VRK2: variants seen among roughly 807,000 people sequenced by gnomAD.
VRK2 encodes the protein VRK serine/threonine kinase 2.
Under a neutral mutation model 57.6 loss-of-function variants are expected in VRK2, and 60 were observed. The ratio of observed to expected loss-of-function variants is 1.04; its 90% CI spans 0.85 to 1.29. The LOEUF (loss-of-function observed/expected upper bound fraction) is 1.29. Among genes scored for constraint, VRK2 ranks in the 50% most tolerant of loss-of-function variants. The pLI is 0.00. For synonymous variants in VRK2, 231 were observed against 199.2 expected, an observed-to-expected ratio of 1.16 and a Z score of -1.35; for missense variants, 705 against 588.1, an observed-to-expected ratio of 1.20 and a Z score of -2.06.
At chr2:57,944,290 G>T (rs1252768427) in intron 1 of VRK2, among the ~76,000 whole-genome samples, 1 of 152,136 alleles carries the variant, frequency 6.6e-6, no homozygotes, top group Non-Finnish European at 1.5e-5. Context: ...GTTACCAACA[G>T]ATAAACAATA....
chr2:58,075,960 A>G (rs1382362403), intron 2 of VRK2, among the ~76,000 whole-genome samples: 1 of 147,278 alleles, frequency 6.8e-6, no homozygotes, highest in Non-Finnish European at 1.5e-5. Flanking sequence ...CTGATGGATT[A>G]AAGAAAAGCT....
At position 58,086,357 on chromosome 2, in the gene VRK2, G is replaced by T. The variant is rs765840317; in HGVS notation, c.275G>T (p.Arg92Leu). ...KKDCIKKWIE[R>L]KQLDYLGIPL... ...TTTGTAGTCAAAAAGTGGATAGAAC[G>T]CAAACAACTTGATTATTTAGGAATT... The change falls in exon 5 of 13, where the codon CGC becomes CTC. Residue 92 changes from arginine (R) to leucine (L), a missense_variant. Arg to Leu is a moderately radical substitution (Grantham distance 102). Coordinates refer to ENST00000340157, the MANE Select transcript of VRK2 (RefSeq NM_006296.7). 6.2e-7 allele frequency: 1 copy of T among 1,603,994 alleles called. No homozygotes were observed.
intron 7 of VRK2, among the ~76,000 whole-genome samples, chr2:58,118,783 G>T (rs1676940124): frequency 6.6e-6 from 1 of 152,200 alleles, no homozygotes; most frequent in East Asian, 1.9e-4. Context: ...GCAGGCGGTT[G>T]AGTCCGAAAA....
chr2:58,061,039 A>T (rs534609494), intron 2 of VRK2, among the ~76,000 whole-genome samples: 1 of 152,026 alleles, frequency 6.6e-6, no homozygotes, highest in East Asian at 1.9e-4. Context: ...ATGAGTTAAA[A>T]TATTAAGAAA....
intron 2 of VRK2, among the ~76,000 whole-genome samples, chr2:58,058,823 G>A (rs1422656354): frequency 1.3e-5 from 2 of 152,010 alleles, no homozygotes; most frequent in Non-Finnish European, 2.9e-5. Flanking sequence ...AAGAGGATAC[G>A]TAAATTACCT....
In VRK2 at chr2:58,089,672, T is replaced by C. The variant is rs1672101273; in HGVS notation, c.492T>C (p.His164=). The C allele has an allele frequency of 3.1e-6, 5 of 1,608,366 alleles. No individual in the cohort carries two copies. Among genetic ancestry groups the C allele is most frequent in the Non-Finnish European group, 4.3e-6 (5 of 1,176,434 alleles). The part of the protein sequence containing the change: ...LEYIHENEYV[H]GDIKAANLLL... ...ATATACATGAAAATGAATATGTTCA[T>C]GGTGATATAAAAGCAGCAAATCTAC... The change falls in exon 7 of 13, where the codon CAT becomes CAC. Residue 164 remains histidine, a synonymous_variant. Transcript: ENST00000340157.
At chr2:58,090,439 C>A (rs971429785) in intron 7 of VRK2, among the ~76,000 whole-genome samples, 12 of 151,128 alleles carry the variant, frequency 7.9e-5, no homozygotes, top group African/African-American at 2.9e-4. Flanking sequence ...GCAAGCTTTT[C>A]CATTAAAATT....
intron 1 of VRK2, among the ~76,000 whole-genome samples, chr2:57,908,063 C>G (rs1195223221): frequency 6.6e-6 from 1 of 152,020 alleles, no homozygotes; most frequent in East Asian, 1.9e-4. Flanking sequence ...AAAGGATTCA[C>G]AAGAGGGGAT....
intron 12 of VRK2, among the ~76,000 whole-genome samples, chr2:58,152,517 C>A (rs1378784136): frequency 2.0e-5 from 3 of 151,870 alleles, no homozygotes; most frequent in African/African-American, 7.2e-5. Context: ...GAAAAAAAGT[C>A]TTAACATATC....
chr2:58,031,599 C>G (rs1235944107), intron 2 of VRK2, among the ~76,000 whole-genome samples: 1 of 152,036 alleles, frequency 6.6e-6, no homozygotes, highest in East Asian at 1.9e-4. Flanking sequence ...CAGTGTCCAG[C>G]AGATGTAATT....
chr2:57,950,035 A>T (rs1398293599), intron 1 of VRK2, among the ~76,000 whole-genome samples: 1 of 152,222 alleles, frequency 6.6e-6, no homozygotes, highest in Non-Finnish European at 1.5e-5. Flanking sequence ...TGTAGAAGAA[A>T]CACCTGAACC....
At chr2:58,093,347 A>G (rs1450261474) in intron 7 of VRK2, among the ~76,000 whole-genome samples, 2 of 151,956 alleles carry the variant, frequency 1.3e-5, no homozygotes, top group Non-Finnish European at 2.9e-5. Flanking sequence ...CTTTTTAATG[A>G]TTGCCATTCT....
At chr2:58,132,985 A>G (rs556732548) in intron 9 of VRK2, among the ~76,000 whole-genome samples, 3 of 152,268 alleles carry the variant, frequency 2.0e-5, no homozygotes, top group African/African-American at 7.2e-5. Context: ...ATTTCGAAAT[A>G]TGGGTCAAGT....
rs889224728 is a variant in VRK2, at chr2:58,111,610, G to A, written c.544-11491G>A. On this transcript the variant is annotated intron_variant, in intron 7 of 12. Transcript: ENST00000340157. Reference sequence around the variant, plus strand: ...CTATTTTAAAAATATAAAAATAAATGCATAGGGAGTAACTATTTATATATT... The same window carrying A: ...CTATTTTAAAAATATAAAAATAAATACATAGGGAGTAACTATTTATATATT... Among the ~76,000 whole-genome samples the A allele has an allele frequency of 8.7e-4, 132 of 152,138 alleles. 1 individual carries two copies. The highest frequency in any genetic ancestry group is 2.9e-3 in the African/African-American group (119 of 41,502).
chr2:58,003,070 T>C (rs1305664192), intron 1 of VRK2, among the ~76,000 whole-genome samples: 3 of 152,178 alleles, frequency 2.0e-5, no homozygotes, highest in African/African-American at 7.2e-5. Flanking sequence ...CAAACAGGTA[T>C]ATTCTCAAAA....
intron 1 of VRK2, among the ~76,000 whole-genome samples, chr2:57,984,789 A>C (rs888714702): frequency 1.3e-5 from 2 of 152,038 alleles, no homozygotes; most frequent in African/African-American, 4.8e-5. Flanking sequence ...TTTGGTTACT[A>C]TTACTGTTTA....
intron 1 of VRK2, among the ~76,000 whole-genome samples, chr2:57,926,201 G>C (rs1212105832): frequency 6.6e-6 from 1 of 151,772 alleles, no homozygotes; most frequent in South Asian, 2.1e-4. Flanking sequence ...ATATCCTGCA[G>C]CCATTGAATA....
intron 1 of VRK2, among the ~76,000 whole-genome samples, chr2:57,987,133 G>C (rs892897773): frequency 1.3e-5 from 2 of 151,662 alleles, no homozygotes; most frequent in Non-Finnish European, 2.9e-5. Context: ...AATATCAAAA[G>C]CATAAAATAT....
chr2:58,091,008 T>C (rs1413731480), intron 7 of VRK2, among the ~76,000 whole-genome samples: 2 of 152,174 alleles, frequency 1.3e-5, no homozygotes, highest in Non-Finnish European at 2.9e-5. Context: ...AAGGCAAAAC[T>C]ATAGAGACAG....
Sources: allele counts gnomAD v4.1 joint callset (sites outside exome capture counted in the v4.1 genomes callset), GRCh38; gene constraint gnomAD v4.1.1; transcripts MANE v1.5; gene names NCBI Gene and HGNC (gene_info 2026-07-23, HGNC 2026-07-21).